SDK1: variants seen among roughly 807,000 people sequenced by gnomAD.
The protein encoded by SDK1 is sidekick cell adhesion molecule 1, also known as protein sidekick-1.
In SDK1, 157 loss-of-function variants were observed where a neutral mutation model predicts 245.5. The ratio of observed to expected loss-of-function variants is 0.64; its 90% CI spans 0.56 to 0.73. The LOEUF is 0.73. SDK1 is among the 30% of genes least tolerant of loss of function. The pLI is 0.00. For missense variants in SDK1, 3,583 were observed against 3,002.3 expected, an observed-to-expected ratio of 1.19 and a Z score of -4.52; for synonymous variants, 1,647 against 1,278.5, an observed-to-expected ratio of 1.29 and a Z score of -6.15.
intron 14 of SDK1, among the ~76,000 whole-genome samples, 189 bp downstream of exon 14, chr7:3,987,511 G>T (rs1191188026): frequency 6.6e-6 from 1 of 152,112 alleles, no homozygotes; most frequent in African/African-American, 2.4e-5. Context: ...GAGAGGGAAG[G>T]GAAGAAGTCC....
chr7:4,124,761 C>G (rs1784271143), intron 25 of SDK1, among the ~76,000 whole-genome samples: 1 of 152,342 alleles, frequency 6.6e-6, no homozygotes, highest in Middle Eastern at 3.4e-3. Context: ...TTCAGACTAA[C>G]TAACAGTGCT....
intron 30 of SDK1, among the ~76,000 whole-genome samples, chr7:4,155,952 G>A (rs1170155078): frequency 1.3e-5 from 2 of 152,172 alleles, no homozygotes; most frequent in Non-Finnish European, 2.9e-5. Context: ...AGCAGGCAGG[G>A]CCATCTGAGC....
At chr7:3,466,572 C>G (rs1349418268) in intron 1 of SDK1, among the ~76,000 whole-genome samples, 3 of 150,656 alleles carry the variant, frequency 2.0e-5, no homozygotes, top group African/African-American at 7.3e-5. Flanking sequence ...CATCTTCATC[C>G]ACTCTTATCT....
At chr7:4,134,409 G>T (rs569093714) in intron 28 of SDK1, among the ~76,000 whole-genome samples, 1 of 152,288 alleles carries the variant, frequency 6.6e-6, no homozygotes, top group African/African-American at 2.4e-5. Flanking sequence ...CCAGTCTTGG[G>T]GTAGGAAATG....
rs966296469 is a variant in SDK1, at chr7:3,415,328, A to T, written c.298+113444A>T. Among the ~76,000 whole-genome samples the T allele has an allele frequency of 3.3e-5, 5 of 152,196 alleles. No homozygotes were observed. The East Asian group carries it at 9.6e-4, about 29-fold the overall frequency. On this transcript the variant is annotated intron_variant, in intron 1 of 44. Transcript: ENST00000404826. ...TCAGGAGAAGTAAACAAAACGTGTA[A>T]TACTTATATAGTGGAAGAGTGTATT...
chr7:3,810,816 G>A (rs1289178826), intron 4 of SDK1, among the ~76,000 whole-genome samples: 1 of 152,112 alleles, frequency 6.6e-6, no homozygotes, highest in African/African-American at 2.4e-5. Context: ...GGATTTTAAC[G>A]TTCGTGGCAT....
chr7:3,819,765 A>G (rs1042325523), intron 4 of SDK1, among the ~76,000 whole-genome samples: 4 of 152,178 alleles, frequency 2.6e-5, no homozygotes, highest in East Asian at 1.9e-4. Flanking sequence ...AATATATCCT[A>G]TGGGAACCCT....
chr7:3,401,345 C>G lies in SDK1; in HGVS notation c.298+99461C>G, dbSNP rs116016229. Among the ~76,000 whole-genome samples, 1,332 of 152,224 alleles carry G rather than the reference C, an allele frequency of 8.8e-3. 23 individuals carry two copies. Among genetic ancestry groups the G allele is most frequent in the African/African-American group, 0.03 (1,267 of 41,544 alleles). On this transcript the variant is annotated intron_variant, in intron 1 of 44. Coordinates refer to ENST00000404826, the MANE Select transcript of SDK1 (RefSeq NM_152744.4). ...GATAACTTGGAAGTTTAAACAATTACAATTTTCCTGTTTACTGTGTGACAA... is the reference window on the plus strand; with the variant it reads ...GATAACTTGGAAGTTTAAACAATTAGAATTTTCCTGTTTACTGTGTGACAA...
chr7:4,219,501 T>G (rs1176237840), intron 38 of SDK1, among the ~76,000 whole-genome samples: 2 of 152,108 alleles, frequency 1.3e-5, no homozygotes, highest in African/African-American at 4.8e-5. Flanking sequence ...AACCTCCCAT[T>G]TATAAAACCA....
chr7:4,205,413 C>T (rs1177145584), intron 35 of SDK1, among the ~76,000 whole-genome samples: 2 of 152,132 alleles, frequency 1.3e-5, no homozygotes. Context: ...CTGTCACATC[C>T]CAGGCATTGC....
At chr7:3,402,821 G>C (rs1317869696) in intron 1 of SDK1, among the ~76,000 whole-genome samples, 1 of 152,150 alleles carries the variant, frequency 6.6e-6, no homozygotes, top group African/African-American at 2.4e-5. Flanking sequence ...TTGCATTATA[G>C]CTATGTGGAA....
At chr7:4,067,799 G>A in intron 19 of SDK1, 39 bp from the exon 20 acceptor site, 1 of 1,501,644 alleles carries the variant, frequency 6.7e-7, no homozygotes, top group Non-Finnish European at 9.2e-7. Context: ...GAAAATTTGG[G>A]CTATTGTGTT....
chr7:3,584,951 C>T lies in SDK1; in HGVS notation c.299-34129C>T, dbSNP rs575619003. Among the ~76,000 whole-genome samples, 4 of 152,190 alleles carry T rather than the reference C, an allele frequency of 2.6e-5. No individual in the cohort carries two copies. In the South Asian group the frequency reaches 6.2e-4, roughly 24 times the overall value. On this transcript the variant is annotated intron_variant, in intron 1 of 44. Transcript: ENST00000404826. The stretch of plus-strand genomic sequence containing the variant: ...GTGTTAGCCAGGATGGTCCCGATCT[C>T]CTGACCTCGTAATCTGCCCTCCTCG...
intron 18 of SDK1, among the ~76,000 whole-genome samples, chr7:4,051,142 T>C (rs1789438785): frequency 7.1e-6 from 1 of 140,366 alleles, no homozygotes; most frequent in South Asian, 2.1e-4. Context: ...ATATAATATA[T>C]GTATAATATA....
intron 4 of SDK1, among the ~76,000 whole-genome samples, chr7:3,723,657 G>A (rs1377604040): frequency 1.5e-5 from 2 of 137,690 alleles, no homozygotes; most frequent in South Asian, 4.5e-4. Context: ...GTAAGTAAAA[G>A]TTGTGTGTGT....
chr7:3,597,683 C>T (rs777588637), intron 1 of SDK1, among the ~76,000 whole-genome samples: 1 of 152,092 alleles, frequency 6.6e-6, no homozygotes, highest in Non-Finnish European at 1.5e-5. Flanking sequence ...TCTGGTCTGT[C>T]GGGGCCTAGG....
chr7:3,357,436 G>C (rs1185123806), intron 1 of SDK1, among the ~76,000 whole-genome samples: 1 of 138,454 alleles, frequency 7.2e-6, no homozygotes. Flanking sequence ...TGCAGCCTCA[G>C]TCTCCCTGGG....
At chr7:3,862,375 C>T (rs991626908) in intron 5 of SDK1, among the ~76,000 whole-genome samples, 5 of 152,150 alleles carry the variant, frequency 3.3e-5, no homozygotes, top group South Asian at 2.1e-4. Flanking sequence ...GGTGCAGTCT[C>T]GGTCTGTGTT....
intron 1 of SDK1, among the ~76,000 whole-genome samples, chr7:3,532,797 A>G (rs768199622): frequency 2.6e-5 from 4 of 152,154 alleles, no homozygotes; most frequent in East Asian, 1.9e-4. Context: ...TTTACAGCCT[A>G]TGCAGCCTCT....
Sources: gnomAD v4.1 joint callset for allele counts (sites outside exome capture counted in the v4.1 genomes callset) on GRCh38, gnomAD v4.1.1 for gene constraint, MANE v1.5 for transcripts, NCBI Gene and HGNC (gene_info 2026-07-23, HGNC 2026-07-21) for gene names.